GABPB1: variants seen among roughly 807,000 people sequenced by gnomAD.
The protein encoded by GABPB1 is GA binding protein transcription factor subunit beta 1, also known as GA-binding protein subunit beta-1.
Under a neutral mutation model 45.9 loss-of-function variants are expected in GABPB1, and 15 were observed. The ratio of observed to expected loss-of-function variants is 0.33; its 90% CI spans 0.22 to 0.50. GABPB1 has a LOEUF of 0.50. GABPB1 is among the 20% of genes least tolerant of loss of function. The pLI is 0.98. For synonymous variants in GABPB1, 143 were observed against 154.4 expected (o/e 0.93, Z 0.55); for missense variants, 252 against 457.5 (o/e 0.55, Z 4.10).
At position 50,319,730 on chromosome 15, in the gene GABPB1, G is replaced by A. The variant is rs1018491910; in HGVS notation, c.1-9932C>T. ...CAGGCGCCTGTAATCCCAGCTACTCGGGAAGCTGAGGCAGGAGAATCGTTT... is the reference window on the plus strand; with the variant it reads ...CAGGCGCCTGTAATCCCAGCTACTCAGGAAGCTGAGGCAGGAGAATCGTTT... On this transcript the variant is annotated intron_variant, in intron 1 of 8. Coordinates refer to ENST00000380877, the MANE Select transcript of GABPB1 (RefSeq NM_016654.5). 5.3e-5 allele frequency among the ~76,000 whole-genome samples: 8 copies of A among 152,118 alleles called. No homozygotes were observed. In the East Asian group the frequency reaches 1.5e-3, roughly 29 times the overall value.
At chr15:50,345,864 A>G (rs2048556688) in intron 1 of GABPB1, among the ~76,000 whole-genome samples, 1 of 152,026 alleles carries the variant, frequency 6.6e-6, no homozygotes, top group African/African-American at 2.4e-5. Context: ...GGCGCTCGCC[A>G]CCACGCCCAG....
intron 6 of GABPB1, among the ~76,000 whole-genome samples, chr15:50,295,083 T>G (rs2046467341): frequency 6.6e-6 from 1 of 152,224 alleles, no homozygotes; most frequent in African/African-American, 2.4e-5. Context: ...ACTACAGATG[T>G]AAGGCCTACA....
chr15:50,304,490 C>G (rs1042853071), intron 2 of GABPB1, among the ~76,000 whole-genome samples: 1 of 152,158 alleles, frequency 6.6e-6, no homozygotes, highest in Non-Finnish European at 1.5e-5. Context: ...GCGGGTGGAT[C>G]ACTTGAGGTC....
At chr15:50,320,224 A>G (rs1465222802) in intron 1 of GABPB1, among the ~76,000 whole-genome samples, 1 of 152,174 alleles carries the variant, frequency 6.6e-6, no homozygotes, top group Non-Finnish European at 1.5e-5. Context: ...CTAGAGTGCA[A>G]TAGCACAATC....
chr15:50,310,539 G>A (rs956672592), intron 1 of GABPB1, among the ~76,000 whole-genome samples: 5 of 152,144 alleles, frequency 3.3e-5, no homozygotes, highest in African/African-American at 9.7e-5. Context: ...AAATTTTTTT[G>A]CAATAGTAAA....
chr15:50,304,655 G>A (rs928149765), intron 2 of GABPB1, among the ~76,000 whole-genome samples: 3 of 151,182 alleles, frequency 2.0e-5, no homozygotes, highest in Non-Finnish European at 2.9e-5. Context: ...AGGTTGCAGT[G>A]AGCCGAGATC....
At chr15:50,303,169 T>TA (rs1198590080) in intron 3 of GABPB1, 46 bp from the exon 4 acceptor site, 1 of 1,434,110 alleles carries the variant, frequency 7.0e-7, no homozygotes, top group African/African-American at 1.4e-5. Flanking sequence ...AAATATCACA[T>TA]AAAAAATTCC....
At chr15:50,326,887 A>G (rs956824391) in intron 1 of GABPB1, among the ~76,000 whole-genome samples, 8 of 152,092 alleles carry the variant, frequency 5.3e-5, no homozygotes, top group Non-Finnish European at 4.4e-5. Context: ...TGCCCCTGTT[A>G]TGGTGCTGAA....
At chr15:50,345,140 C>T (rs2048517791) in intron 1 of GABPB1, among the ~76,000 whole-genome samples, 1 of 152,000 alleles carries the variant, frequency 6.6e-6, no homozygotes, top group African/African-American at 2.4e-5. Flanking sequence ...ACAAAGAAAA[C>T]AGAATAGTCA....
chr15:50,288,059 T>A (rs1026945487), intron 7 of GABPB1, among the ~76,000 whole-genome samples: 1 of 152,144 alleles, frequency 6.6e-6, no homozygotes, highest in African/African-American at 2.4e-5. Flanking sequence ...CTTTCTTTCT[T>A]TATTTTTATG....
intron 1 of GABPB1, chr15:50,352,775 G>A (rs1420784893): frequency 6.6e-6 from 1 of 152,244 alleles, no homozygotes; most frequent in Non-Finnish European, 1.5e-5. Context: ...ACTATAGACT[G>A]ACAGATTCAG....
rs568905386 is a variant in GABPB1 at position 50,276,384 on chromosome 15, G to A, written c.*2248C>T. On this transcript the variant is annotated 3_prime_UTR_variant, in exon 9 of 9. Coordinates refer to ENST00000380877, the MANE Select transcript of GABPB1 (RefSeq NM_016654.5). The stretch of plus-strand genomic sequence containing the variant: ...GTTTTAATTACAAATTCTTGTCTAA[G>A]TAGTGATTTTACAGAACAGTAAATC... The A allele has an allele frequency of 4.7e-4, 71 of 152,324 alleles. No homozygotes were observed. The highest frequency in any genetic ancestry group is 1.7e-3 in the African/African-American group (69 of 41,580). 9.4% of individuals were successfully genotyped at this position (152,324 alleles called of 1,614,324 possible). A position where few individuals can be genotyped will look rare whatever the true frequency, so the allele number is the denominator to read the frequency against.
chr15:50,329,837 G>C (rs1438521768), intron 1 of GABPB1, among the ~76,000 whole-genome samples: 2 of 151,382 alleles, frequency 1.3e-5, no homozygotes, highest in African/African-American at 4.9e-5. Flanking sequence ...TGTCTTTTAA[G>C]TGTTTCTCTT....
chr15:50,350,675 T>G (rs529680270), intron 1 of GABPB1: 1 of 152,192 alleles, frequency 6.6e-6, no homozygotes, highest in East Asian at 1.9e-4. Flanking sequence ...GACACCTAGC[T>G]CAAATTCTCC....
intron 1 of GABPB1, among the ~76,000 whole-genome samples, chr15:50,323,020 A>T (rs1036923040): frequency 2.6e-5 from 4 of 152,122 alleles, no homozygotes; most frequent in Admixed American, 2.6e-4. Context: ...CAGGAGTGAG[A>T]CCCTGTCTCC....
chr15:50,335,116 G>A (rs1173093096), intron 1 of GABPB1, among the ~76,000 whole-genome samples: 1 of 152,184 alleles, frequency 6.6e-6, no homozygotes, highest in Admixed American at 6.6e-5. Context: ...ATGGCTTACG[G>A]TTCCCTTTCC....
intron 1 of GABPB1, among the ~76,000 whole-genome samples, chr15:50,321,922 G>T (rs928917290): frequency 2.6e-5 from 4 of 151,486 alleles, no homozygotes; most frequent in Non-Finnish European, 4.4e-5. Context: ...ACTAAACAAG[G>T]CTGGAACTTG....
chr15:50,297,045 G>A (rs2046541853), intron 6 of GABPB1, among the ~76,000 whole-genome samples: 1 of 151,218 alleles, frequency 6.6e-6, no homozygotes, highest in Non-Finnish European at 1.5e-5. Flanking sequence ...CGAGTAGCTG[G>A]GATTACAGGC....
chr15:50,310,495 CTGT>C (rs1270793468), intron 1 of GABPB1, among the ~76,000 whole-genome samples: 6 of 152,212 alleles, frequency 3.9e-5, no homozygotes, highest in African/African-American at 1.2e-4. Context: ...ATATTGTCAT[CTGT>C]TGTTGGTGCA....
Sources: gnomAD v4.1 joint callset for allele counts (sites outside exome capture counted in the v4.1 genomes callset) on GRCh38, gnomAD v4.1.1 for gene constraint, MANE v1.5 for transcripts, NCBI Gene and HGNC (gene_info 2026-07-23, HGNC 2026-07-21) for gene names.